The following SMC1B variants were observed in gnomAD, a reference collection of about 807,000 sequenced individuals.
SMC1B encodes structural maintenance of chromosomes protein 1B.
A neutral mutation model predicts 157.9 loss-of-function variants in SMC1B; 60 were observed. That is an observed-to-expected ratio of 0.38 (90% confidence interval 0.31 to 0.47). The LOEUF is 0.47. SMC1B is among the 20% of genes least tolerant of loss of function. The pLI is 0.99. For missense variants in SMC1B, 1,165 were observed against 1,426.2 expected, an observed-to-expected ratio of 0.82 and a Z score of 2.95; for synonymous variants, 445 against 483.0, an observed-to-expected ratio of 0.92 and a Z score of 1.03.
intron 14 of SMC1B, among the ~76,000 whole-genome samples, chr22:45,370,836 T>C (rs1407963981): frequency 6.6e-6 from 1 of 152,140 alleles, no homozygotes; most frequent in African/African-American, 2.4e-5. Flanking sequence ...GTGAAATGAA[T>C]AAAGAAACTA....
intron 1 of SMC1B, among the ~76,000 whole-genome samples, chr22:45,411,226 A>C (rs1332293340): frequency 2.6e-5 from 4 of 152,174 alleles, no homozygotes; most frequent in Non-Finnish European, 5.9e-5. Context: ...AAAATGTAGT[A>C]TATCTATACA....
rs1407657544 is a variant in SMC1B, at chr22:45,370,008, A to G, written c.2366T>C (p.Ile789Thr). 1 of 1,598,740 alleles carries G rather than the reference A, an allele frequency of 6.3e-7. No homozygotes were observed. Among genetic ancestry groups the G allele is most frequent in the South Asian group, 1.1e-5 (1 of 87,154 alleles). ...HFCEEIGVEN[I>T]REFENKHVKR... ...AACATGTTTGTTCTCAAATTCACGA[A>G]TATTTTCCACGCCAATTTCTTCACA... Residue 789 changes from isoleucine (I) to threonine (T), a missense_variant, in exon 15 of 25, where the codon ATT becomes ACT. Coordinates refer to ENST00000357450, the MANE Select transcript of SMC1B (RefSeq NM_148674.5).
rs375832786 is a variant in SMC1B at position 45,349,698 on chromosome 22, G to T, written c.3495+30C>A. The T allele has an allele frequency of 5.8e-6, 9 of 1,563,118 alleles. No homozygotes were observed. In the African/African-American group the frequency reaches 1.1e-4, roughly 19 times the overall value. On this transcript the variant is annotated intron_variant, in intron 23 of 24. Transcript: ENST00000357450. Reference sequence around the variant, plus strand: ...TCACATGATCCTTGAATTGTAGACAGTCTATTGAAAATGAAAAGCAGAAAC... The same window carrying T: ...TCACATGATCCTTGAATTGTAGACATTCTATTGAAAATGAAAAGCAGAAAC...
chr22:45,378,671 C>T (rs1014916249), intron 12 of SMC1B, among the ~76,000 whole-genome samples: 2 of 152,130 alleles, frequency 1.3e-5, no homozygotes, highest in Non-Finnish European at 2.9e-5. Flanking sequence ...AAACTAAACA[C>T]TTAACCTTTC....
rs1389072783 is a variant in SMC1B, at chr22:45,399,420, GT to G, written c.855-68del. 3.9e-5 allele frequency: 55 copies of G among 1,416,534 alleles called. 1 individual carries two copies. The highest frequency in any genetic ancestry group is 5.2e-5 in the Non-Finnish European group (54 of 1,044,848). 87.7% of individuals were successfully genotyped at this position (1,416,534 alleles called of 1,614,324 possible). On this transcript the variant is annotated intron_variant, in intron 5 of 24. Transcript: ENST00000357450. ...CTTTAATATATAAAGGGAAGAAGTT[GT>G]TTTGATCAAACCACTTTAAAAAAGA...
At chr22:45,358,640 A>G in intron 19 of SMC1B, 57 bp downstream of exon 19, 1 of 1,031,554 alleles carries the variant, frequency 9.7e-7, no homozygotes, top group Non-Finnish European at 1.4e-6. Context: ...ATGATTCGGT[A>G]AGATTTAAAT....
At chr22:45,402,665 GAATGT>G in intron 4 of SMC1B, 94 bp from the exon 5 acceptor site, 2 of 829,142 alleles carry the variant, frequency 2.4e-6, no homozygotes, top group Non-Finnish European at 3.9e-6. Context: ...ATTAACTAAT[GAATGT>G]TTATTTATTA....
At chr22:45,397,130 GA>G (rs10717441) in intron 6 of SMC1B, among the ~76,000 whole-genome samples, 74,362 of 151,776 alleles carry the variant, frequency 0.49, 21,270 homozygotes, top group African/African-American at 0.8. Context: ...TATATAAGTA[GA>G]AAAAAATATA....
chr22:45,374,090 GTTTTT>G (rs35971057), intron 12 of SMC1B, among the ~76,000 whole-genome samples: 3 of 85,506 alleles, frequency 3.5e-5, no homozygotes, highest in African/African-American at 5.2e-5. Flanking sequence ...AACAAAGACG[GTTTTT>G]TTTTTTTTTT....
At chr22:45,405,483 C>T (rs893312556) in intron 4 of SMC1B, among the ~76,000 whole-genome samples, 11 of 151,246 alleles carry the variant, frequency 7.3e-5, no homozygotes, top group African/African-American at 9.7e-5. Context: ...ACCCAGGAGG[C>T]GGAGCTTGCA....
rs1455952323 is a variant in SMC1B, at chr22:45,359,928, T to C, written c.2739A>G (p.Val913=). The change falls in exon 18 of 25, where the codon GTA becomes GTG. Residue 913 remains valine (V), a synonymous_variant. Transcript: ENST00000357450. ...TCTGTTCCAGAGAAGTTTGAATACTTACAACTTCTTTTTGCAATTTCCCCA... is the reference window on the plus strand; with the variant it reads ...TCTGTTCCAGAGAAGTTTGAATACTCACAACTTCTTTTTGCAATTTCCCCA... The part of the protein sequence containing the change: ...REVGKLQKEV[V]SIQTSLEQKR... 4 of 1,613,672 alleles carry C rather than the reference T, an allele frequency of 2.5e-6. No homozygotes were observed. The African/African-American group carries it at 5.3e-5, about 22-fold the overall frequency.
In SMC1B at chr22:45,344,335, AC is replaced by A; in HGVS notation, c.*220del. ...TGTACCTTTTGTTTGTTTTTTAAAA[AC>A]TCATTTGACACCAGCTCTCACTGAA... On this transcript the variant is annotated 3_prime_UTR_variant, in exon 25 of 25. Transcript: ENST00000357450. The A allele has an allele frequency of 2.9e-6, 1 of 340,714 alleles. No homozygotes were observed. The allele number at this position is 340,714 out of a possible 1,614,324, so 21.1% of individuals were successfully genotyped here.
intron 15 of SMC1B, among the ~76,000 whole-genome samples, chr22:45,369,605 C>T (rs1272736223): frequency 3.4e-5 from 5 of 145,144 alleles, no homozygotes; most frequent in Non-Finnish European, 7.5e-5. Context: ...TGCAGTGGCG[C>T]AATCTCCGCT....
Position 45,402,475 on chromosome 22 carries a change from G to C in SMC1B, c.712C>G (p.Leu238Val). ...LYHNEKKIHL[L>V]NTKLEHVNRD... ...TTCACATGCTCTAACTTGGTGTTCAGGAGATGAATCTTTTTCTCATTATGG... is the reference window on the plus strand; with the variant it reads ...TTCACATGCTCTAACTTGGTGTTCACGAGATGAATCTTTTTCTCATTATGG... Residue 238 changes from leucine to valine, a missense_variant, in exon 5 of 25, where the codon CTG becomes GTG. By Grantham distance (32) the Leu-to-Val change is conservative (BLOSUM62 1). Coordinates refer to ENST00000357450, the MANE Select transcript of SMC1B (RefSeq NM_148674.5). 6.2e-7 allele frequency: 1 copy of C among 1,613,894 alleles called. No individual in the cohort carries two copies. The highest frequency in any genetic ancestry group is 8.5e-7 in the Non-Finnish European group (1 of 1,179,910).
intron 1 of SMC1B, among the ~76,000 whole-genome samples, chr22:45,409,608 AT>A (rs756382723): frequency 0.11 from 5,625 of 52,300 alleles, 126 homozygotes; most frequent in African/African-American, 0.36. Context: ...AAATAAATAA[AT>A]AAAAACAAGA....
chr22:45,375,085 G>C (rs1602068162), intron 12 of SMC1B, among the ~76,000 whole-genome samples: 1 of 152,204 alleles, frequency 6.6e-6, no homozygotes, highest in African/African-American at 2.4e-5. Context: ...GCTGGGAACT[G>C]CTTAGAGGAA....
Position 45,402,549 on chromosome 22 carries a change from A to C in SMC1B, c.638T>G (p.Leu213Arg), listed in dbSNP as rs1368691066. ...KEEAERYQSLLEELKMNKIQL... is the reference protein window; with the variant it reads ...KEEAERYQSLREELKMNKIQL... ...TATCTTGTTCATTTTCAGTTCTTCAAGGAGACTCTGGTAACGTTCTGCCTA... is the reference window on the plus strand; with the variant it reads ...TATCTTGTTCATTTTCAGTTCTTCACGGAGACTCTGGTAACGTTCTGCCTA... Residue 213 changes from leucine (L) to arginine (R), a missense_variant, in exon 5 of 25, where the codon CTT (leucine) becomes CGT (arginine). Physicochemically the swap from Leu to Arg is moderately radical, Grantham distance 102 (BLOSUM62 -2). Coordinates refer to ENST00000357450, the MANE Select transcript of SMC1B (RefSeq NM_148674.5). 1 of 1,613,628 alleles carries C rather than the reference A, an allele frequency of 6.2e-7. No homozygotes were observed. The highest frequency in any genetic ancestry group is 2.2e-5 in the East Asian group (1 of 44,814).
At position 45,394,731 on chromosome 22, in the gene SMC1B, G is replaced by A; in HGVS notation, c.1291C>T (p.His431Tyr). The change falls in exon 8 of 25, where the codon CAT (histidine) becomes TAT (tyrosine). Residue 431 changes from histidine (H) to tyrosine (Y), a missense_variant. His to Tyr is a moderately conservative substitution (Grantham distance 83). Transcript: ENST00000357450. ...TCTAACTTCTCTATTCGTTTTTTAT[G>A]ATCTTCTATTTGTTCTTTTATTTGT... ...LKQIKEQIED[H>Y]KKRIEKLEEY... is the part of the protein sequence containing the mutation. 6.4e-7 allele frequency: 1 copy of A among 1,559,906 alleles called. No homozygotes were observed. Among genetic ancestry groups the A allele is most frequent in the African/African-American group, 1.4e-5 (1 of 73,908 alleles).
chr22:45,359,531 T>C (rs543461549), intron 18 of SMC1B, among the ~76,000 whole-genome samples: 1 of 152,346 alleles, frequency 6.6e-6, no homozygotes, highest in Non-Finnish European at 1.5e-5. Flanking sequence ...AGGGAACCGC[T>C]GCATACTGCC....
Sources: gnomAD v4.1 joint callset for allele counts (sites outside exome capture counted in the v4.1 genomes callset) on GRCh38, gnomAD v4.1.1 for gene constraint, MANE v1.5 for transcripts, NCBI Gene and HGNC (gene_info 2026-07-23, HGNC 2026-07-21) for gene names.